Variants in ART3 observed in about 807,000 individuals in gnomAD.
ART3 encodes ecto-ADP-ribosyltransferase 3.
Under a neutral mutation model 48.5 loss-of-function variants are expected in ART3, and 49 were observed. The ratio of observed to expected loss-of-function variants is 1.01; its 90% CI spans 0.80 to 1.28. The LOEUF is 1.28. Among genes scored for constraint, ART3 ranks in the 50% most tolerant of loss-of-function variants. The probability of loss-of-function intolerance (pLI) is 0.00; values close to 1 mark genes in which losing one functional copy is unlikely to be tolerated. For synonymous variants in ART3, 145 were observed against 157.2 expected (o/e 0.92, Z 0.58); for missense variants, 438 against 454.3 (o/e 0.96, Z 0.33).
chr4:76,019,006 C>T (rs918252624), intron 1 of ART3, among the ~76,000 whole-genome samples: 8 of 148,424 alleles, frequency 5.4e-5, no homozygotes, highest in Non-Finnish European at 1.0e-4. Context: ...ACACCATTTG[C>T]ACTCCAGCCT....
At chr4:76,052,193 CAA>C (rs1447365217) in intron 1 of ART3, among the ~76,000 whole-genome samples, 5 of 152,130 alleles carry the variant, frequency 3.3e-5, no homozygotes, top group Admixed American at 6.5e-5. Context: ...CCTGCCTGGT[CAA>C]TATGCTTTAT....
At chr4:76,034,975 CATT>C in intron 1 of ART3, 1 of 1,456,634 alleles carries the variant, frequency 6.9e-7, no homozygotes, top group Non-Finnish European at 9.6e-7. Context: ...TAGTTGTCCA[CATT>C]ATTTTCTTTT....
chr4:76,048,242 G>T (rs1392879066), intron 1 of ART3, among the ~76,000 whole-genome samples: 1 of 151,936 alleles, frequency 6.6e-6, no homozygotes, highest in East Asian at 1.9e-4. Context: ...TGGACATAAG[G>T]TATTTCACTC....
Position 76,075,926 on chromosome 4 carries a change from C to A in ART3, c.37C>A (p.Leu13Met). The A allele has an allele frequency of 6.2e-7, 1 of 1,612,450 alleles. No homozygotes were observed. Among genetic ancestry groups the A allele is most frequent in the Non-Finnish European group, 8.5e-7 (1 of 1,179,380 alleles). ...TGHFEIVTML[L>M]ATMILVDIFQ... ...ACATTTTGAAATAGTCACCATGCTG[C>A]TGGCAACCATGATTCTAGTGGACAT... Residue 13 changes from leucine (L) to methionine (M), a missense_variant, in exon 2 of 12, where the codon CTG becomes ATG. Leu to Met is a conservative substitution (Grantham distance 15, BLOSUM62 2). Around this residue, in one of 3 missense-constraint regions of ART3, gnomAD observed 206 missense variants for 205.3 expected, o/e 1.00. Transcript: ENST00000355810.
At chr4:76,090,791 G>A (rs889151989) in intron 3 of ART3, among the ~76,000 whole-genome samples, 4 of 152,164 alleles carry the variant, frequency 2.6e-5, no homozygotes, top group African/African-American at 4.8e-5. Flanking sequence ...GTAAAATTTA[G>A]TAAGTTTTGA....
intron 3 of ART3, among the ~76,000 whole-genome samples, chr4:76,094,841 C>T (rs1271774111): frequency 6.6e-6 from 1 of 152,266 alleles, no homozygotes; most frequent in Non-Finnish European, 1.5e-5. Context: ...GGTACTCTGT[C>T]TATAAAAATT....
At chr4:76,085,714 G>T (rs1369826702) in intron 3 of ART3, among the ~76,000 whole-genome samples, 1 of 152,160 alleles carries the variant, frequency 6.6e-6, no homozygotes, top group Non-Finnish European at 1.5e-5. Context: ...TTGGTAGGAA[G>T]GTAGATTGGT....
At position 76,100,302 on chromosome 4, in the gene ART3, CAGAAGCTTGA is replaced by C. The variant is rs757150066; in HGVS notation, c.863_872del (p.Lys288ThrfsTer24). ...TTTCTGTGACTCAGGTGAGAAAAACCAGAAGCTTGAAGACCATAGTAAGACATTTTTATAA... is the reference window on the plus strand; with the variant it reads ...TTTCTGTGACTCAGGTGAGAAAAACCAGACCATAGTAAGACATTTTTATAA... On this transcript the variant is annotated frameshift_variant, in exon 6 of 12. Coordinates refer to ENST00000355810, the MANE Select transcript of ART3 (RefSeq NM_001130016.3). LOFTEE classifies it high-confidence loss of function. The C allele has an allele frequency of 6.2e-7, 1 of 1,609,862 alleles. No homozygotes were observed. The highest frequency in any genetic ancestry group is 8.5e-7 in the Non-Finnish European group (1 of 1,177,592).
intron 1 of ART3, among the ~76,000 whole-genome samples, chr4:76,059,870 A>G (rs1719040025): frequency 1.3e-5 from 2 of 152,236 alleles, no homozygotes; most frequent in South Asian, 4.1e-4. Flanking sequence ...CCACTGGCCA[A>G]ATATAAGTTA....
intron 1 of ART3, among the ~76,000 whole-genome samples, chr4:76,065,763 A>G (rs146849511): frequency 4.8e-4 from 72 of 151,396 alleles, no homozygotes; most frequent in African/African-American, 1.5e-3. Flanking sequence ...GTATTATATA[A>G]CATCAATATA....
chr4:76,065,482 C>T (rs1719639773), intron 1 of ART3, among the ~76,000 whole-genome samples: 1 of 151,418 alleles, frequency 6.6e-6, no homozygotes, highest in Admixed American at 6.6e-5. Flanking sequence ...GTTTTTTTCT[C>T]ATTAATGGTA....
At chr4:76,104,657 G>A (rs17224545) in intron 10 of ART3, 28 bp downstream of exon 10, 167,317 of 1,551,070 alleles carry the variant, frequency 0.11, 10,212 homozygotes, top group Non-Finnish European at 0.12. Flanking sequence ...ATGCCAGAGG[G>A]GAACATGCCA....
chr4:76,083,532 T>G (rs1560628041), intron 3 of ART3, among the ~76,000 whole-genome samples: 1 of 152,220 alleles, frequency 6.6e-6, no homozygotes, highest in Non-Finnish European at 1.5e-5. Context: ...GCGCAGTGGC[T>G]CATCCATGTC....
intron 1 of ART3, among the ~76,000 whole-genome samples, chr4:76,062,578 T>TTTTTTTA (rs1719332684): frequency 6.8e-6 from 1 of 147,918 alleles, no homozygotes; most frequent in African/African-American, 2.6e-5. Flanking sequence ...TTTTTTTTTT[T>TTTTTTTA]GAGACAGAGT....
chr4:76,033,002 A>G (rs1734018552), intron 1 of ART3, among the ~76,000 whole-genome samples: 1 of 151,986 alleles, frequency 6.6e-6, no homozygotes, highest in Admixed American at 6.6e-5. Context: ...TATAACCTAT[A>G]TAATAATGCA....
intron 1 of ART3, among the ~76,000 whole-genome samples, chr4:76,046,639 A>T (rs1735524466): frequency 6.6e-6 from 1 of 151,976 alleles, no homozygotes; most frequent in Admixed American, 6.6e-5. Context: ...CCCAGACTTC[A>T]GGGTTGATTC....
At chr4:76,064,834 A>AT (rs5859490) in intron 1 of ART3, among the ~76,000 whole-genome samples, 84,928 of 146,110 alleles carry the variant, frequency 0.58, 25,172 homozygotes, top group East Asian at 0.93. Context: ...TATTGAGTAA[A>AT]TTTTTTTTTT....
intron 1 of ART3, among the ~76,000 whole-genome samples, chr4:76,017,094 C>G (rs1265805806): frequency 6.6e-6 from 1 of 152,022 alleles, no homozygotes; most frequent in Non-Finnish European, 1.5e-5. Flanking sequence ...ACCTGTGGTT[C>G]AAGAAAAAGT....
chr4:76,052,700 C>T (rs187119299), intron 1 of ART3, among the ~76,000 whole-genome samples: 2,807 of 142,856 alleles, frequency 0.02, 28 homozygotes, highest in Admixed American at 0.028. Flanking sequence ...ATGCGTGTAC[C>T]CAATTTCTTT....
Sources: allele counts gnomAD v4.1 joint callset (sites outside exome capture counted in the v4.1 genomes callset), GRCh38; gene constraint gnomAD v4.1.1; regional missense constraint gnomAD v4.1.1; transcripts MANE v1.5; gene names NCBI Gene and HGNC (gene_info 2026-07-23, HGNC 2026-07-21).